Variants in PLEKHA6 observed in about 807,000 individuals in gnomAD.
PLEKHA6 encodes pleckstrin homology domain containing A6.
In PLEKHA6, 60 loss-of-function variants were observed where a neutral mutation model predicts 116.7. The ratio of observed to expected loss-of-function variants is 0.51; its 90% CI spans 0.42 to 0.64. PLEKHA6 has a LOEUF of 0.64. Among genes scored for constraint, PLEKHA6 ranks in the 30% least tolerant of loss-of-function variants. The pLI is 0.00. For missense variants in PLEKHA6, 1,338 were observed against 1,422.7 expected (o/e 0.94, Z 0.96); for synonymous variants, 489 against 556.1 (o/e 0.88, Z 1.70).
intron 3 of PLEKHA6, among the ~76,000 whole-genome samples, 185 bp downstream of exon 3, chr1:204,273,441 C>A (rs114674743): frequency 6.6e-6 from 1 of 152,162 alleles, no homozygotes; most frequent in South Asian, 2.1e-4. Context: ...TGGTCTTCTA[C>A]GAGGTTCTGA....
In PLEKHA6 at chr1:204,259,069, A is replaced by G. The variant is rs1313874143; in HGVS notation, c.1007+189T>C. Among the ~76,000 whole-genome samples the G allele has an allele frequency of 6.6e-5, 10 of 152,152 alleles. No individual in the cohort carries two copies. Among genetic ancestry groups the G allele is most frequent in the Non-Finnish European group, 1.3e-4 (9 of 68,014 alleles). ...ACCAAGAATCAGGGACAGCAGCCAG[A>G]CTCTAATGGTGGAGCCATGGGGCAG... is the stretch of plus-strand genomic sequence containing the variant. On this transcript the variant is annotated intron_variant, in intron 8 of 22. Transcript: ENST00000272203. The surrounding 1 kb of genome is among the most constrained non-coding windows in gnomAD (Gnocchi z 4.6).
intron 1 of PLEKHA6, among the ~76,000 whole-genome samples, chr1:204,300,098 A>G (rs1276331722): frequency 6.6e-6 from 1 of 152,252 alleles, no homozygotes; most frequent in African/African-American, 2.4e-5. Context: ...ACAACAGACC[A>G]GGGTCCATCT....
chr1:204,226,291 G>A (rs1050261577), intron 21 of PLEKHA6, among the ~76,000 whole-genome samples: 3 of 152,214 alleles, frequency 2.0e-5, no homozygotes, highest in African/African-American at 7.2e-5. Context: ...TGACCGTTTG[G>A]TTTCAGCACA....
chr1:204,297,678 C>G (rs1670416855), intron 1 of PLEKHA6, among the ~76,000 whole-genome samples: 1 of 152,122 alleles, frequency 6.6e-6, no homozygotes, highest in Non-Finnish European at 1.5e-5. Flanking sequence ...ACTTAATTCA[C>G]ATAAAATGCC....
At chr1:204,266,117 A>T (rs1285977961) in intron 5 of PLEKHA6, among the ~76,000 whole-genome samples, 3 of 151,524 alleles carry the variant, frequency 2.0e-5, no homozygotes, top group Non-Finnish European at 2.9e-5. Context: ...CCTCCTACTC[A>T]TCACATCTAC....
intron 17 of PLEKHA6, among the ~76,000 whole-genome samples, chr1:204,232,343 T>C (rs996164778): frequency 3.3e-5 from 5 of 152,206 alleles, no homozygotes; most frequent in African/African-American, 1.2e-4. Context: ...GCCTACCTAG[T>C]TCACAAAGGA....
intron 17 of PLEKHA6, among the ~76,000 whole-genome samples, chr1:204,236,451 G>A (rs1346882459): frequency 6.6e-6 from 1 of 152,198 alleles, no homozygotes; most frequent in Non-Finnish European, 1.5e-5. Context: ...TTGTGAAACA[G>A]ATTTGTGAGG....
chr1:204,370,326 T>C (rs895641352), intron 2 of PLEKHA6, among the ~76,000 whole-genome samples: 1 of 152,234 alleles, frequency 6.6e-6, no homozygotes, highest in Non-Finnish European at 1.5e-5. Flanking sequence ...GTGCCAGCTG[T>C]GCCCATGATT....
chr1:204,355,345 G>A (rs1673384029), intron 1 of PLEKHA6, among the ~76,000 whole-genome samples: 1 of 152,202 alleles, frequency 6.6e-6, no homozygotes, highest in African/African-American at 2.4e-5. Context: ...GAGAAACTGA[G>A]GCACAGAGAA....
At position 204,259,124 on chromosome 1, in the gene PLEKHA6, G is replaced by A. The variant is rs895538111; in HGVS notation, c.1007+134C>T. The A allele has an allele frequency of 2.0e-4, 203 of 1,008,168 alleles. 1 individual carries two copies. The highest frequency in any genetic ancestry group is 2.2e-4 in the Middle Eastern group (1 of 4,584). 62.5% of individuals were successfully genotyped at this position (1,008,168 alleles called of 1,614,324 possible). On this transcript the variant is annotated intron_variant, in intron 8 of 22. Coordinates refer to ENST00000272203, the MANE Select transcript of PLEKHA6 (RefSeq NM_014935.5). The surrounding 1 kb of genome is among the most constrained non-coding windows in gnomAD (Gnocchi z 4.6). ...GATTTGGGCAAGCCAGGAAGCATGG[G>A]ATTTGCTTGGTTTCCCAACTCAGCC...
At chr1:204,336,296 C>A (rs1202427416) in intron 1 of PLEKHA6, among the ~76,000 whole-genome samples, 1 of 152,350 alleles carries the variant, frequency 6.6e-6, no homozygotes, top group South Asian at 2.1e-4. Context: ...TCTCCCTGCT[C>A]CCCGCAAGTG....
At chr1:204,307,812 A>C in intron 1 of PLEKHA6, 1 of 940,814 alleles carries the variant, frequency 1.1e-6, no homozygotes, top group Non-Finnish European at 1.3e-6. Flanking sequence ...GAGCCCTGCC[A>C]GGTGCTCTCC....
chr1:204,235,967 T>G (rs986800462), intron 17 of PLEKHA6, among the ~76,000 whole-genome samples: 1 of 152,204 alleles, frequency 6.6e-6, no homozygotes, highest in African/African-American at 2.4e-5. Context: ...TCTGTTTGCT[T>G]CTAGACCTAT....
At chr1:204,282,448 C>T (rs1005310829) in intron 1 of PLEKHA6, among the ~76,000 whole-genome samples, 38 of 152,152 alleles carry the variant, frequency 2.5e-4, no homozygotes, top group African/African-American at 8.7e-4. Flanking sequence ...TGAAAAGCTG[C>T]TCCCCCAAGT....
At chr1:204,363,578 A>T (rs928095005), upstream of PLEKHA6, among the ~76,000 whole-genome samples, 1 of 152,176 alleles carries the variant, frequency 6.6e-6, no homozygotes, top group African/African-American at 2.4e-5. Context: ...AGAACTGGCC[A>T]GTTTCACCGG....
At chr1:204,364,092 T>C (rs1673609733), upstream of PLEKHA6, among the ~76,000 whole-genome samples, 2 of 152,158 alleles carry the variant, frequency 1.3e-5, no homozygotes, top group Non-Finnish European at 1.5e-5. Flanking sequence ...CAATATTTGC[T>C]CATTGAAATT....
Position 204,219,241 on chromosome 1 carries a change from GTATA to G in PLEKHA6, c.*3543_*3546del, listed in dbSNP as rs138599445. ...TATACGTGTGTGTGTGTGTGTGTGT[GTATA>G]TATATATATATATATAATGTGTGTG... On this transcript the variant is annotated 3_prime_UTR_variant, in exon 23 of 23. Coordinates refer to ENST00000272203, the MANE Select transcript of PLEKHA6 (RefSeq NM_014935.5). The G allele has an allele frequency of 0.018, 2,590 of 143,436 alleles. 69 individuals carry two copies. Among genetic ancestry groups the G allele is most frequent in the African/African-American group, 0.061 (2,376 of 39,260 alleles). 8.9% of individuals were successfully genotyped at this position (143,436 alleles called of 1,614,324 possible).
chr1:204,259,860 G>A lies in PLEKHA6; in HGVS notation c.525-120C>T. Reference sequence around the variant, plus strand: ...ATGGGCAGGGAGGTGGCTGGAACCAGGATTCTATGAACTCCAGTTCTGCTT... The same window carrying A: ...ATGGGCAGGGAGGTGGCTGGAACCAAGATTCTATGAACTCCAGTTCTGCTT... On this transcript the variant is annotated intron_variant, in intron 7 of 22. Coordinates refer to ENST00000272203, the MANE Select transcript of PLEKHA6 (RefSeq NM_014935.5). The surrounding 1 kb of genome is among the most constrained non-coding windows in gnomAD (Gnocchi z 4.6). The A allele has an allele frequency of 9.5e-7, 1 of 1,057,246 alleles. No individual in the cohort carries two copies. Among genetic ancestry groups the A allele is most frequent in the South Asian group, 1.6e-5 (1 of 60,752 alleles). The allele number at this position is 1,057,246 out of a possible 1,614,324, so 65.5% of individuals were successfully genotyped here. A position where few individuals can be genotyped will look rare whatever the true frequency, so the allele number is the denominator to read the frequency against.
intron 1 of PLEKHA6, among the ~76,000 whole-genome samples, chr1:204,346,401 G>T (rs1455047550): frequency 1.2e-5 from 1 of 85,108 alleles, no homozygotes; most frequent in African/African-American, 4.2e-5. Flanking sequence ...CAGAACACGG[G>T]TCTGGGCACC....
Sources: gnomAD v4.1 joint callset for allele counts (sites outside exome capture counted in the v4.1 genomes callset) on GRCh38, gnomAD v4.1.1 for gene constraint, Gnocchi (gnomAD v3.1) non-coding constraint, MANE v1.5 for transcripts, NCBI Gene and HGNC (gene_info 2026-07-23, HGNC 2026-07-21) for gene names.